The following OR9Q1 variants were observed in gnomAD, a reference collection of about 807,000 sequenced individuals.
OR9Q1 encodes the protein olfactory receptor family 9 subfamily Q member 1.
For missense variants in OR9Q1, 374 were observed against 378.8 expected (o/e 0.99, Z 0.11); for synonymous variants, 153 against 148.6 (o/e 1.03, Z -0.22).
At chr11:58,121,305 A>G (rs1854030113) in intron 2 of OR9Q1, among the ~76,000 whole-genome samples, 2 of 152,206 alleles carry the variant, frequency 1.3e-5, no homozygotes, top group South Asian at 2.1e-4. Flanking sequence ...GCATAATACC[A>G]TGTTCCAAGT....
At chr11:58,173,105 A>G (rs1382698020) in intron 2 of OR9Q1, among the ~76,000 whole-genome samples, 3 of 152,184 alleles carry the variant, frequency 2.0e-5, no homozygotes, top group Non-Finnish European at 2.9e-5. Context: ...TGAAAAAATC[A>G]TAATGGTCAT....
At chr11:58,123,231 G>A (rs974410803) in intron 2 of OR9Q1, among the ~76,000 whole-genome samples, 1 of 152,104 alleles carries the variant, frequency 6.6e-6, no homozygotes, top group Admixed American at 6.5e-5. Flanking sequence ...TTGTTTTGTT[G>A]TCTCCCTCCA....
intron 2 of OR9Q1, chr11:58,118,186 G>A: frequency 4.8e-6 from 1 of 207,478 alleles, no homozygotes; most frequent in African/African-American, 2.3e-5. Flanking sequence ...TGAGTTGAGA[G>A]AGTATTGGGT....
chr11:58,133,706 A>G (rs561869623), intron 2 of OR9Q1, among the ~76,000 whole-genome samples: 15 of 152,336 alleles, frequency 9.8e-5, no homozygotes, highest in Middle Eastern at 3.4e-3. Flanking sequence ...AGAAAGTGGA[A>G]GAGCAAGCAG....
At chr11:58,050,597 T>C (rs1435592251) in intron 1 of OR9Q1, among the ~76,000 whole-genome samples, 1 of 118,654 alleles carries the variant, frequency 8.4e-6, no homozygotes, top group Non-Finnish European at 1.8e-5. Context: ...AATTGACAAA[T>C]GGGATCTAAT....
At chr11:58,058,591 A>C (rs1853348903) in intron 2 of OR9Q1, among the ~76,000 whole-genome samples, 1 of 152,192 alleles carries the variant, frequency 6.6e-6, no homozygotes, top group Admixed American at 6.5e-5. Context: ...TCCCATTCAC[A>C]TTGTTCTCCT....
At chr11:58,154,342 A>C (rs183297277) in intron 2 of OR9Q1, among the ~76,000 whole-genome samples, 86 of 151,306 alleles carry the variant, frequency 5.7e-4, no homozygotes, top group African/African-American at 2.0e-3. Flanking sequence ...TAATAAGATT[A>C]AGTGTTTTGG....
At chr11:58,037,699 T>G (rs1371492883) in intron 1 of OR9Q1, among the ~76,000 whole-genome samples, 2 of 7,122 alleles carry the variant, frequency 2.8e-4, no homozygotes, top group Non-Finnish European at 4.8e-4. Context: ...ATTTTTTTTT[T>G]TTTTTTTTTT....
At chr11:58,149,442 A>C (rs1400292490) in intron 2 of OR9Q1, among the ~76,000 whole-genome samples, 2 of 152,174 alleles carry the variant, frequency 1.3e-5, no homozygotes, top group African/African-American at 4.8e-5. Flanking sequence ...TTGGCAATAA[A>C]ATACACATAA....
intron 2 of OR9Q1, among the ~76,000 whole-genome samples, chr11:58,138,201 A>C (rs1009128583): frequency 1.3e-5 from 2 of 152,154 alleles, no homozygotes; most frequent in Non-Finnish European, 2.9e-5. Context: ...AGAGACCTAA[A>C]AGTGTCTCTT....
chr11:58,083,118 G>A (rs1467380185), intron 2 of OR9Q1, among the ~76,000 whole-genome samples: 3 of 151,996 alleles, frequency 2.0e-5, no homozygotes, highest in Admixed American at 6.6e-5. Flanking sequence ...TATCGCCTAG[G>A]TTTTCTTCTA....
At chr11:58,082,749 T>TAATAATAAC (rs1294179651) in intron 2 of OR9Q1, among the ~76,000 whole-genome samples, 18 of 131,840 alleles carry the variant, frequency 1.4e-4, no homozygotes, top group Admixed American at 3.7e-4. Flanking sequence ...AGTATAATAA[T>TAATAATAAC]AATAATAATA....
intron 2 of OR9Q1, chr11:58,118,585 G>A: frequency 1.2e-6 from 2 of 1,614,006 alleles, no homozygotes; most frequent in Non-Finnish European, 1.7e-6. Flanking sequence ...GTAGATCAGA[G>A]GGTTCAGCAT....
At chr11:58,039,506 G>T (rs1429579042) in intron 1 of OR9Q1, among the ~76,000 whole-genome samples, 1 of 152,170 alleles carries the variant, frequency 6.6e-6, no homozygotes, top group East Asian at 1.9e-4. Context: ...AGCAACCCAG[G>T]AGCACTTTCA....
intron 2 of OR9Q1, among the ~76,000 whole-genome samples, chr11:58,127,527 T>TG (rs1207861032): frequency 6.6e-6 from 1 of 152,202 alleles, no homozygotes; most frequent in Non-Finnish European, 1.5e-5. Flanking sequence ...TTTGGCTTTT[T>TG]GCAGCCCACA....
In OR9Q1 at chr11:58,180,334, A is replaced by G. The variant is rs1295181702; in HGVS notation, c.890A>G (p.Lys297Arg). The G allele has an allele frequency of 6.9e-6, 11 of 1,602,432 alleles. No individual in the cohort carries two copies. Among genetic ancestry groups the G allele is most frequent in the Non-Finnish European group, 9.4e-6 (11 of 1,173,048 alleles). Reference protein sequence around the residue: ...LIYSLRNKEVKEALRKILNRA... With the variant: ...LIYSLRNKEVREALRKILNRA... ...TACAGCCTGAGGAACAAGGAAGTGA[A>G]GGAGGCCCTGAGAAAAATTCTCAAT... Residue 297 changes from lysine (K) to arginine (R), a missense_variant, in exon 3 of 3, where the codon AAG becomes AGG. Coordinates refer to ENST00000335397, the MANE Select transcript of OR9Q1 (RefSeq NM_001005212.4).
intron 2 of OR9Q1, among the ~76,000 whole-genome samples, chr11:58,133,003 G>T (rs1590608010): frequency 6.6e-6 from 1 of 152,132 alleles, no homozygotes; most frequent in South Asian, 2.1e-4. Flanking sequence ...AGGTGCTGAA[G>T]ATGTCTATTT....
chr11:58,028,837 A>AT (rs1455701420), intron 1 of OR9Q1, among the ~76,000 whole-genome samples: 12 of 152,268 alleles, frequency 7.9e-5, no homozygotes, highest in Non-Finnish European at 1.5e-4. Context: ...TTTATTTCTG[A>AT]TTTTTTATCT....
chr11:58,037,689 A>ATATATATATATAG (rs1853119570), intron 1 of OR9Q1, among the ~76,000 whole-genome samples: 3 of 6,998 alleles, frequency 4.3e-4, no homozygotes, highest in Non-Finnish European at 7.9e-4. Context: ...ATATATATAT[A>ATATATATATATAG]TTTTTTTTTT....
Sources: allele counts gnomAD v4.1 joint callset (sites outside exome capture counted in the v4.1 genomes callset), GRCh38; gene constraint gnomAD v4.1.1; transcripts MANE v1.5; gene names NCBI Gene and HGNC (gene_info 2026-07-23, HGNC 2026-07-21).